DGKD: variants seen among roughly 807,000 people sequenced by gnomAD.
DGKD encodes the protein DAG kinase delta.
Under a neutral mutation model 154.4 loss-of-function variants are expected in DGKD, and 68 were observed. The observed-to-expected ratio is 0.44, with a 90% confidence interval of 0.36 to 0.54. The LOEUF (loss-of-function observed/expected upper bound fraction) is 0.54. Among genes scored for constraint, DGKD ranks in the 20% least tolerant of loss-of-function variants. DGKD has a pLI of 0.00. For synonymous variants in DGKD, 693 were observed against 638.0 expected, an observed-to-expected ratio of 1.09 and a Z score of -1.30; for missense variants, 1,343 against 1,593.6, an observed-to-expected ratio of 0.84 and a Z score of 2.68.
chr2:233,402,495 T>C (rs2061585265), intron 3 of DGKD, among the ~76,000 whole-genome samples: 1 of 152,126 alleles, frequency 6.6e-6, no homozygotes, highest in Non-Finnish European at 1.5e-5. Flanking sequence ...GAATATGAGC[T>C]GGAAGAAGCA....
chr2:233,385,927 C>T (rs1202102587), intron 1 of DGKD: 2 of 470,642 alleles, frequency 4.2e-6, no homozygotes, highest in Non-Finnish European at 8.8e-6. Flanking sequence ...ATAAATAAAG[C>T]AGCAGCTCTC....
chr2:233,390,236 G>A (rs1703507494), intron 2 of DGKD, among the ~76,000 whole-genome samples, 167 bp from the exon 3 acceptor site: 1 of 152,162 alleles, frequency 6.6e-6, no homozygotes, highest in African/African-American at 2.4e-5. Context: ...AAGCAGGTGG[G>A]TGGGTTAATT....
At position 233,446,794 on chromosome 2, in the gene DGKD, G is replaced by A. The variant is rs565365318; in HGVS notation, c.1417G>A (p.Glu473Lys). 43 of 1,614,206 alleles carry A rather than the reference G, an allele frequency of 2.7e-5. No homozygotes were observed. In the South Asian group the frequency reaches 3.8e-4, roughly 14 times the overall value. Reference protein sequence around the residue: ...TVTEDFSEDSEVQQILFYEDS... With the variant: ...TVTEDFSEDSKVQQILFYEDS... ...CACCGAAGACTTCAGCGAGGATTCC[G>A]AGGTATTGCTGGCCTGTTCTTCACA... Residue 473 changes from glutamate (E) to lysine (K), a missense_variant and splice_region_variant, in exon 12 of 30, where the codon GAG becomes AAG. By Grantham distance (56) the Glu-to-Lys change is moderately conservative (BLOSUM62 1). This residue lies in a region of DGKD where 409 missense variants were observed against 446.0 expected (regional missense o/e 0.92). Coordinates refer to ENST00000264057, the MANE Select transcript of DGKD (RefSeq NM_152879.3).
chr2:233,414,131 A>G (rs2061898334), intron 3 of DGKD, among the ~76,000 whole-genome samples: 1 of 152,182 alleles, frequency 6.6e-6, no homozygotes, highest in African/African-American at 2.4e-5. Flanking sequence ...TACAAATGAC[A>G]GCCCCTGGAG....
intron 11 of DGKD, among the ~76,000 whole-genome samples, chr2:233,446,020 G>T (rs1223575426): frequency 6.6e-6 from 1 of 152,174 alleles, no homozygotes; most frequent in African/African-American, 2.4e-5. Context: ...GTGTGTCAGG[G>T]CCGTGGAGAA....
intron 18 of DGKD, chr2:233,454,544 T>C (rs1246283737): frequency 1.8e-6 from 1 of 542,154 alleles, no homozygotes; most frequent in Non-Finnish European, 3.5e-6. Flanking sequence ...AAATCGATTA[T>C]CTAGTGATGG....
chr2:233,447,333 A>T (rs2063115012), intron 12 of DGKD, among the ~76,000 whole-genome samples: 2 of 152,104 alleles, frequency 1.3e-5, no homozygotes, highest in African/African-American at 4.8e-5. Context: ...TCCCTCAGAG[A>T]ACAGACTTTG....
intron 1 of DGKD, among the ~76,000 whole-genome samples, chr2:233,356,442 T>C (rs1281990575): frequency 6.6e-6 from 1 of 152,156 alleles, no homozygotes; most frequent in South Asian, 2.1e-4. Context: ...TAAATGATAC[T>C]GATAGGAGTT....
chr2:233,444,359 C>T (rs2062995226), intron 10 of DGKD, among the ~76,000 whole-genome samples: 1 of 152,062 alleles, frequency 6.6e-6, no homozygotes, highest in Non-Finnish European at 1.5e-5. Context: ...GGCGACCTTT[C>T]CCGGGGCATT....
chr2:233,461,981 G>C (rs1025012542), intron 24 of DGKD, among the ~76,000 whole-genome samples: 2 of 152,242 alleles, frequency 1.3e-5, no homozygotes, highest in African/African-American at 4.8e-5. Flanking sequence ...GCCAGTTACA[G>C]GTTCCAGCAA....
chr2:233,409,605 T>C (rs1243223857), intron 3 of DGKD, among the ~76,000 whole-genome samples: 1 of 152,100 alleles, frequency 6.6e-6, no homozygotes, highest in Non-Finnish European at 1.5e-5. Flanking sequence ...AACCTGGTGT[T>C]TCACAGTACA....
At chr2:233,466,232 T>A (rs183719832) in intron 27 of DGKD, among the ~76,000 whole-genome samples, 30 of 151,602 alleles carry the variant, frequency 2.0e-4, no homozygotes, top group African/African-American at 5.6e-4. Flanking sequence ...TTTACATCAT[T>A]AAGTTCCTAC....
chr2:233,388,506 A>G (rs182632888), intron 2 of DGKD, 139 bp downstream of exon 2: 2 of 727,602 alleles, frequency 2.7e-6, no homozygotes, highest in Non-Finnish European at 4.4e-6. Flanking sequence ...GTAACACTCC[A>G]CGCTGTCAGG....
chr2:233,459,015 G>A lies in DGKD; in HGVS notation c.2694+618G>A, dbSNP rs949726987. On this transcript the variant is annotated intron_variant, in intron 22 of 29. Coordinates refer to ENST00000264057, the MANE Select transcript of DGKD (RefSeq NM_152879.3). This position sits in a 1 kb window ranked among gnomAD's most constrained non-coding sequence, Gnocchi z 5.7. ...GCCCGTGTCTGCAGCTGTCAAAGCCGCAGTGGGGACGGAGCCCATGGCTCT... is the reference window on the plus strand; with the variant it reads ...GCCCGTGTCTGCAGCTGTCAAAGCCACAGTGGGGACGGAGCCCATGGCTCT... Among the ~76,000 whole-genome samples, 5 of 152,224 alleles carry A rather than the reference G, an allele frequency of 3.3e-5. No individual in the cohort carries two copies. Among genetic ancestry groups the A allele is most frequent in the Non-Finnish European group, 5.9e-5 (4 of 68,042 alleles).
chr2:233,383,517 AT>A (rs1703008338), intron 1 of DGKD, among the ~76,000 whole-genome samples: 1 of 152,024 alleles, frequency 6.6e-6, no homozygotes, highest in Admixed American at 6.5e-5. Flanking sequence ...TATATCTAAT[AT>A]TTTTTTCTAT....
chr2:233,434,581 T>C, intron 4 of DGKD, 97 bp downstream of exon 4: 1 of 1,430,874 alleles, frequency 7.0e-7, no homozygotes, highest in Non-Finnish European at 9.8e-7. Flanking sequence ...ACCCACAGTC[T>C]GGAGCTCACG....
In DGKD at chr2:233,354,578, GC is replaced by G; in HGVS notation, c.63del (p.Glu22ArgfsTer39). ...CCCCGCAACCGCCTCCGCCGCCGCC[GC>G]CCGAGGAGTCGTCCGACAGCGAGCC... ...GPPQPPPPPP[P>X]EESSDSEPEA... On this transcript the variant is annotated frameshift_variant, in exon 1 of 30. Coordinates refer to ENST00000264057, the MANE Select transcript of DGKD (RefSeq NM_152879.3). LOFTEE classifies it high-confidence loss of function. The surrounding 1 kb of genome is among the most constrained non-coding windows in gnomAD (Gnocchi z 4.8). 1 of 1,086,418 alleles carries G rather than the reference GC, an allele frequency of 9.2e-7. No homozygotes were observed. Among genetic ancestry groups the G allele is most frequent in the Non-Finnish European group, 1.1e-6 (1 of 883,376 alleles). The allele number at this position is 1,086,418 out of a possible 1,614,324, so 67.3% of individuals were successfully genotyped here. A position where few individuals can be genotyped will look rare whatever the true frequency, so the allele number is the denominator to read the frequency against.
intron 3 of DGKD, among the ~76,000 whole-genome samples, chr2:233,406,455 C>T (rs531909782): frequency 9.2e-5 from 14 of 152,244 alleles, no homozygotes; most frequent in South Asian, 4.1e-4. Flanking sequence ...TCTGCAAGGT[C>T]GACCGAGCCC....
Position 233,471,818 on chromosome 2 carries a change from G to A in DGKD, c.*2358G>A, listed in dbSNP as rs1039711364. The stretch of plus-strand genomic sequence containing the variant: ...GCACTGGGGTGTCCTCGCTGTCTGG[G>A]GGCTGCTCTGCTGCCCCGGCCCAGG... On this transcript the variant is annotated 3_prime_UTR_variant, in exon 30 of 30. Coordinates refer to ENST00000264057, the MANE Select transcript of DGKD (RefSeq NM_152879.3). 6.6e-6 allele frequency: 1 copy of A among 152,386 alleles called. No homozygotes were observed. Among genetic ancestry groups the A allele is most frequent in the African/African-American group, 2.4e-5 (1 of 41,444 alleles). 9.4% of individuals were successfully genotyped at this position (152,386 alleles called of 1,614,324 possible). A position where few individuals can be genotyped will look rare whatever the true frequency, so the allele number is the denominator to read the frequency against.
Sources: allele counts gnomAD v4.1 joint callset (sites outside exome capture counted in the v4.1 genomes callset), GRCh38; gene constraint gnomAD v4.1.1; regional missense constraint gnomAD v4.1.1; non-coding constraint Gnocchi (gnomAD v3.1); transcripts MANE v1.5; gene names NCBI Gene and HGNC (gene_info 2026-07-23, HGNC 2026-07-21).